Variants in RNF213 observed in about 807,000 individuals in gnomAD.
The protein encoded by RNF213 is ring finger protein 213.
RNF213 carries 341 observed loss-of-function variants against 514.4 expected under a neutral mutation model. That is an observed-to-expected ratio of 0.66 (90% CI 0.61 to 0.73). RNF213 has a LOEUF of 0.73. RNF213 is among the 30% of genes least tolerant of loss of function. The pLI, the probability that RNF213 is intolerant of heterozygous loss-of-function variation, is 0.00. For synonymous variants in RNF213, 2,655 were observed against 2,658.2 expected, an observed-to-expected ratio of 1.00 and a Z score of 0.04; for missense variants, 5,767 against 6,615.6, an observed-to-expected ratio of 0.87 and a Z score of 4.45.
intron 59 of RNF213, chr17:80,384,763 A>G (rs2080165843): frequency 2.1e-6 from 1 of 472,656 alleles, no homozygotes; most frequent in Non-Finnish European, 3.9e-6. Flanking sequence ...CAAGGGACAG[A>G]TTTCCTTCAT....
chr17:80,344,564 C>T (rs2078250157), intron 28 of RNF213, 114 bp from the exon 29 acceptor site: 1 of 1,134,276 alleles, frequency 8.8e-7, no homozygotes, highest in Non-Finnish European at 1.3e-6. Context: ...TACATATTTT[C>T]AGTGCGTTTT....
intron 15 of RNF213, chr17:80,316,300 T>A (rs1245296548): frequency 1.3e-5 from 2 of 152,152 alleles, no homozygotes; most frequent in Non-Finnish European, 2.9e-5. Flanking sequence ...AACCTCCTAG[T>A]GTCCCTGCCA....
chr17:80,302,001 G>A (rs2045196371), intron 11 of RNF213, among the ~76,000 whole-genome samples: 1 of 152,224 alleles, frequency 6.6e-6, no homozygotes, highest in South Asian at 2.1e-4. Context: ...AAGCTTGGAG[G>A]AGATTACGTT....
chr17:80,272,628 G>A (rs769244922), intron 2 of RNF213, among the ~76,000 whole-genome samples: 23 of 152,182 alleles, frequency 1.5e-4, no homozygotes, highest in Admixed American at 6.5e-5. Flanking sequence ...TCCCAGCACT[G>A]GCATACTGGG....
Position 80,347,224 on chromosome 17 carries a change from C to T in RNF213, c.8889C>T (p.Val2963=). ...ACTACTACAGCCTCATCAAAATGGT[C>T]TTTGCTGCAGCAAAGGCTTCAAATA... ...LRDYYSLIKM[V]FAAAKASNRK... Residue 2963 remains valine, a synonymous_variant, in exon 29 of 68, where the codon GTC becomes GTT. Coordinates refer to ENST00000582970, the MANE Select transcript of RNF213 (RefSeq NM_001256071.3). The surrounding 1 kb of genome is among the most constrained non-coding windows in gnomAD (Gnocchi z 7.2). The T allele has an allele frequency of 6.2e-7, 1 of 1,613,348 alleles. No homozygotes were observed. The highest frequency in any genetic ancestry group is 1.1e-5 in the South Asian group (1 of 90,918).
At chr17:80,261,934 T>C (rs1218738160) in intron 1 of RNF213, among the ~76,000 whole-genome samples, 1 of 152,168 alleles carries the variant, frequency 6.6e-6, no homozygotes, top group Non-Finnish European at 1.5e-5. Context: ...GGAGAATCGC[T>C]AGAGCCCGGG....
rs534338467 is a variant in RNF213 at position 80,386,393 on chromosome 17, G to A, written c.14683G>A (p.Val4895Ile). ...CTTGATTCGCCTACACAATGAAATT[G>A]TCTACGCCGTGGAAAAACTCTCCAA... ...SYLIRLHNEI[V>I]YAVEKLSKEN... Residue 4895 changes from valine (V) to isoleucine (I), a missense_variant, in exon 62 of 68, where the codon GTC becomes ATC. Coordinates refer to ENST00000582970, the MANE Select transcript of RNF213 (RefSeq NM_001256071.3). 2.2e-4 allele frequency: 348 copies of A among 1,614,176 alleles called. 2 individuals carry two copies. The South Asian group carries it at 3.5e-3, about 16-fold the overall frequency.
rs532897882 is a variant in RNF213 at position 80,389,351 on chromosome 17, C to T, written c.15179C>T (p.Thr5060Met). The change falls in exon 65 of 68, where the codon ACG (threonine) becomes ATG (methionine). Residue 5060 changes from threonine (T) to methionine (M), a missense_variant. By Grantham distance (81) the Thr-to-Met change is moderately conservative (BLOSUM62 -1). Coordinates refer to ENST00000582970, the MANE Select transcript of RNF213 (RefSeq NM_001256071.3). ...GACATCCTGCAAATGGGTGATCAGA[C>T]GATTCACGTGTTAAAGGTGGGTCTC... The part of the protein sequence containing the change: ...TQDILQMGDQ[T>M]IHVLKALNRC... 39 of 1,614,062 alleles carry T rather than the reference C, an allele frequency of 2.4e-5. No individual in the cohort carries two copies. The South Asian group carries it at 3.1e-4, about 13-fold the overall frequency.
At chr17:80,272,978 A>G (rs1269636967) in intron 2 of RNF213, among the ~76,000 whole-genome samples, 1 of 152,108 alleles carries the variant, frequency 6.6e-6, no homozygotes, top group African/African-American at 2.4e-5. Flanking sequence ...ACTCGTGGAC[A>G]TTGGGAGGAA....
Position 80,347,800 on chromosome 17 carries a change from C to T in RNF213, c.9465C>T (p.Asp3155=), listed in dbSNP as rs566027645. The T allele has an allele frequency of 2.2e-4, 353 of 1,614,202 alleles. 3 individuals carry two copies. In the South Asian group the frequency reaches 3.4e-3, roughly 15 times the overall value. The change falls in exon 29 of 68, where the codon GAC becomes GAT. Residue 3155 remains aspartate (D), a synonymous_variant. Transcript: ENST00000582970. The surrounding 1 kb of genome is among the most constrained non-coding windows in gnomAD (Gnocchi z 7.2). The stretch of plus-strand genomic sequence containing the variant: ...GCCTGATTGTCATTGAAGAGAAAGA[C>T]GTCGTGTACAAACACTTTCCCATCC... ...NFRLIVIEEK[D]VVYKHFPIPL... is the part of the protein sequence containing the mutation.
intron 41 of RNF213, 96 bp from the exon 42 acceptor site, chr17:80,364,337 G>T (rs1322558071): frequency 1.3e-6 from 2 of 1,571,040 alleles, no homozygotes; most frequent in African/African-American, 2.7e-5. Context: ...CTGGACCCCG[G>T]GTCCCGCATC....
Position 80,319,093 on chromosome 17 carries a change from A to C in RNF213, c.2902-97A>C. 3 of 1,609,930 alleles carry C rather than the reference A, an allele frequency of 1.9e-6. No homozygotes were observed. In the South Asian group the frequency reaches 3.3e-5, roughly 18 times the overall value. ...TTAAAATTGGGGGAAACAGTAAAAC[A>C]GCAGGAAAGTAAAAATGATGAAAGA... On this transcript the variant is annotated intron_variant, in intron 16 of 67. Transcript: ENST00000582970.
rs775289101 is a variant in RNF213 at position 80,337,792 on chromosome 17, C to G, written c.4669-41C>G. ...GCAGGCTGCTGCCAGTCCAGGTCTT[C>G]TGGCCCCAAGAAAGTGACTTCTAAC... On this transcript the variant is annotated intron_variant, in intron 24 of 67. Coordinates refer to ENST00000582970, the MANE Select transcript of RNF213 (RefSeq NM_001256071.3). 32 of 1,536,542 alleles carry G rather than the reference C, an allele frequency of 2.1e-5. 1 individual carries two copies. The South Asian group carries it at 3.8e-4, about 18-fold the overall frequency.
chr17:80,382,344 A>G (rs2144606897), intron 57 of RNF213: 1 of 156,070 alleles, frequency 6.4e-6, no homozygotes, highest in African/African-American at 2.4e-5. Context: ...TTCTTTTGCT[A>G]ATCTGCAAAA....
Position 80,294,849 on chromosome 17 carries a change from T to C in RNF213, c.1601T>C (p.Leu534Pro). The change falls in exon 9 of 68, where the codon CTG becomes CCG. Residue 534 changes from leucine (L) to proline (P), a missense_variant. This residue lies in a region of RNF213 where 592 missense variants were observed against 673.9 expected (regional missense o/e 0.88). Coordinates refer to ENST00000582970, the MANE Select transcript of RNF213 (RefSeq NM_001256071.3). Reference protein sequence around the residue: ...KGKQIAAALMLDSTFSILQTW... With the variant: ...KGKQIAAALMPDSTFSILQTW... ...AAGCAGATTGCCGCTGCGCTCATGC[T>C]GGACAGCACCTTCAGCATCCTGCAG... 6.2e-7 allele frequency: 1 copy of C among 1,614,228 alleles called. No homozygotes were observed. Among genetic ancestry groups the C allele is most frequent in the Non-Finnish European group, 8.5e-7 (1 of 1,180,044 alleles).
chr17:80,355,761 G>A (rs866239260), intron 36 of RNF213, among the ~76,000 whole-genome samples: 1 of 138,088 alleles, frequency 7.2e-6, no homozygotes, highest in Non-Finnish European at 1.5e-5. Context: ...GAAGAAGCGG[G>A]GTGAATGGGA....
chr17:80,332,555 C>G lies in RNF213; in HGVS notation c.4067C>G (p.Ala1356Gly), dbSNP rs1403073718. 1 of 1,534,914 alleles carries G rather than the reference C, an allele frequency of 6.5e-7. No homozygotes were observed. The highest frequency in any genetic ancestry group is 8.7e-7 in the Non-Finnish European group (1 of 1,145,230). Reference sequence around the variant, plus strand: ...CACCTGCACCAGGCTGTCCACGCAGCCAAGGTCATCTTGCAGGTCAAAGAG... The same window carrying G: ...CACCTGCACCAGGCTGTCCACGCAGGCAAGGTCATCTTGCAGGTCAAAGAG... ...YHHLHQAVHA[A>G]KVILQVKESL... Residue 1356 changes from alanine to glycine, a missense_variant, in exon 21 of 68, where the codon GCC (alanine) becomes GGC (glycine). Physicochemically the swap from Ala to Gly is moderately conservative, Grantham distance 60. Around this residue, in one of 13 missense-constraint regions of RNF213, gnomAD observed 516 missense variants for 566.5 expected, o/e 0.91. Coordinates refer to ENST00000582970, the MANE Select transcript of RNF213 (RefSeq NM_001256071.3).
intron 65 of RNF213, 24 bp downstream of exon 65, chr17:80,389,391 A>C (rs373817825): frequency 6.2e-7 from 1 of 1,606,680 alleles, no homozygotes; most frequent in South Asian, 1.1e-5. Flanking sequence ...CGAAAAGGAA[A>C]TCAGCACAGC....
In RNF213 at chr17:80,327,869, G is replaced by A. The variant is rs746559042; in HGVS notation, c.3247G>A (p.Ala1083Thr). The A allele has an allele frequency of 6.5e-7, 1 of 1,537,150 alleles. No individual in the cohort carries two copies. Among genetic ancestry groups the A allele is most frequent in the African/African-American group, 1.4e-5 (1 of 73,042 alleles). Reference sequence around the variant, plus strand: ...CACAGAGGATGCCAAGAGGCTGATAGCTGTTGCCGACTCTGTGTTGACGAA... The same window carrying A: ...CACAGAGGATGCCAAGAGGCTGATAACTGTTGCCGACTCTGTGTTGACGAA... ...NVTEDAKRLIAVADSVLTKVV... is the reference protein window; with the variant it reads ...NVTEDAKRLITVADSVLTKVV... The change falls in exon 19 of 68, where the codon GCT becomes ACT. Residue 1083 changes from alanine to threonine, a missense_variant. By Grantham distance (58) the Ala-to-Thr change is moderately conservative (BLOSUM62 0). Coordinates refer to ENST00000582970, the MANE Select transcript of RNF213 (RefSeq NM_001256071.3).
Sources: gnomAD v4.1 joint callset for allele counts (sites outside exome capture counted in the v4.1 genomes callset) on GRCh38, gnomAD v4.1.1 for gene constraint, gnomAD v4.1.1 regional missense constraint, Gnocchi (gnomAD v3.1) non-coding constraint, MANE v1.5 for transcripts, NCBI Gene and HGNC (gene_info 2026-07-23, HGNC 2026-07-21) for gene names.